The following SPATS2 variants were observed in gnomAD, a reference collection of about 807,000 sequenced individuals.
The protein encoded by SPATS2 is spermatogenesis-associated serine-rich protein 2.
SPATS2 carries 38 observed loss-of-function variants against 63.7 expected under a neutral mutation model. The observed-to-expected ratio is 0.60, with a 90% CI of 0.46 to 0.78. SPATS2 has a LOEUF of 0.78. SPATS2 is among the 30% of genes least tolerant of loss of function. The pLI, the probability that SPATS2 is intolerant of heterozygous loss-of-function variation, is 0.00. For missense variants in SPATS2, 588 were observed against 666.2 expected, an observed-to-expected ratio of 0.88 and a Z score of 1.29; for synonymous variants, 207 against 232.9, an observed-to-expected ratio of 0.89 and a Z score of 1.01.
chr12:49,372,292 G>C (rs531607213), intron 2 of SPATS2, among the ~76,000 whole-genome samples: 18 of 152,090 alleles, frequency 1.2e-4, no homozygotes, highest in Non-Finnish European at 2.5e-4. Context: ...TGATCCACCC[G>C]CCTCAGCCTC....
At chr12:49,372,342 G>T (rs754876926) in intron 2 of SPATS2, among the ~76,000 whole-genome samples, 13 of 152,314 alleles carry the variant, frequency 8.5e-5, no homozygotes, top group Non-Finnish European at 1.8e-4. Context: ...ACTGTGGCCT[G>T]CTGAGGCTTG....
intron 3 of SPATS2, among the ~76,000 whole-genome samples, chr12:49,477,221 C>T (rs1946133672): frequency 6.6e-6 from 1 of 152,180 alleles, no homozygotes; most frequent in South Asian, 2.1e-4. Context: ...TTGTCTACCT[C>T]CTTCCCGTAA....
At chr12:49,383,388 A>AT (rs796887297) in intron 2 of SPATS2, among the ~76,000 whole-genome samples, 6 of 151,570 alleles carry the variant, frequency 4.0e-5, no homozygotes, top group African/African-American at 1.2e-4. Flanking sequence ...TGTCTTGGAA[A>AT]TTTTTTTATG....
chr12:49,523,004 G>A (rs1946968440), intron 12 of SPATS2, 151 bp downstream of exon 12: 1 of 618,112 alleles, frequency 1.6e-6, no homozygotes, highest in Non-Finnish European at 2.8e-6. Flanking sequence ...AAGTCCATGG[G>A]TGCAGATACT....
intron 9 of SPATS2, among the ~76,000 whole-genome samples, chr12:49,509,515 C>T (rs766892762): frequency 1.6e-4 from 25 of 152,132 alleles, no homozygotes; most frequent in South Asian, 4.2e-4. Context: ...AGTGATCCTC[C>T]GGCCTCGGCC....
At chr12:49,406,183 G>C (rs1944693858) in intron 2 of SPATS2, among the ~76,000 whole-genome samples, 2 of 152,082 alleles carry the variant, frequency 1.3e-5, no homozygotes, top group Non-Finnish European at 2.9e-5. Context: ...AGGATAGCTT[G>C]AATTCGGGAG....
chr12:49,498,145 A>ATATATATATATATATATATATAT (rs1555191173), intron 8 of SPATS2, among the ~76,000 whole-genome samples: 2 of 98,978 alleles, frequency 2.0e-5, no homozygotes. Context: ...AAAAAAAAAA[A>ATATATATATATATATATATATAT]ATATATATAT....
intron 2 of SPATS2, among the ~76,000 whole-genome samples, chr12:49,408,378 G>A (rs149385071): frequency 2.0e-3 from 300 of 150,960 alleles, no homozygotes; most frequent in African/African-American, 6.7e-3. Context: ...TCAGTCTCCC[G>A]AGTAGCTGGG....
chr12:49,503,557 G>C (rs566999573), intron 9 of SPATS2, among the ~76,000 whole-genome samples: 1 of 151,172 alleles, frequency 6.6e-6, no homozygotes, highest in Non-Finnish European at 1.5e-5. Flanking sequence ...GCTGAGGCAG[G>C]AGAATGGCGT....
chr12:49,373,607 C>A (rs984260390), intron 2 of SPATS2, among the ~76,000 whole-genome samples: 3 of 151,658 alleles, frequency 2.0e-5, no homozygotes, highest in Non-Finnish European at 4.4e-5. Context: ...GCTTGGGCAA[C>A]AGCGAGACCC....
At chr12:49,369,706 T>A (rs1943965863) in intron 1 of SPATS2, among the ~76,000 whole-genome samples, 1 of 152,236 alleles carries the variant, frequency 6.6e-6, no homozygotes, top group Admixed American at 6.5e-5. Flanking sequence ...AGGTCTGGGA[T>A]CCTGATAAAT....
intron 2 of SPATS2, among the ~76,000 whole-genome samples, chr12:49,385,209 C>G (rs1455022185): frequency 1.3e-5 from 2 of 151,062 alleles, no homozygotes; most frequent in African/African-American, 4.9e-5. Context: ...AGCTTATATT[C>G]TAGTGGAGAG....
intron 3 of SPATS2, chr12:49,463,268 C>G (rs1945853344): frequency 1.3e-5 from 2 of 151,406 alleles, no homozygotes; most frequent in Non-Finnish European, 1.5e-5. Context: ...AAAAAATTAG[C>G]CGGGCGTGGT....
At chr12:49,476,667 G>A (rs1030700953) in intron 3 of SPATS2, among the ~76,000 whole-genome samples, 1 of 152,188 alleles carries the variant, frequency 6.6e-6, no homozygotes, top group African/African-American at 2.4e-5. Context: ...GAAGAAGCGA[G>A]CCACACCCCC....
intron 4 of SPATS2, among the ~76,000 whole-genome samples, chr12:49,488,143 C>A (rs1365076316): frequency 1.3e-5 from 2 of 152,030 alleles, no homozygotes; most frequent in African/African-American, 4.8e-5. Flanking sequence ...CTCCCGGGTT[C>A]AAGTGATTCT....
At chr12:49,451,091 C>CT (rs749888425) in intron 2 of SPATS2, among the ~76,000 whole-genome samples, 20 of 151,996 alleles carry the variant, frequency 1.3e-4, no homozygotes, top group Non-Finnish European at 2.4e-4. Context: ...AGGCTGGTCT[C>CT]TAACTCCTGA....
intron 3 of SPATS2, among the ~76,000 whole-genome samples, chr12:49,482,092 G>A (rs1250097093): frequency 6.6e-6 from 1 of 152,196 alleles, no homozygotes; most frequent in Non-Finnish European, 1.5e-5. Context: ...ATCTACTTGA[G>A]GTGTTGGTTT....
chr12:49,368,481 A>G (rs1167689718), intron 1 of SPATS2, among the ~76,000 whole-genome samples: 7 of 152,182 alleles, frequency 4.6e-5, no homozygotes, highest in Non-Finnish European at 1.0e-4. Flanking sequence ...GTTTGTTTTC[A>G]GTTTGACCAA....
chr12:49,432,589 A>G (rs1232342806), intron 2 of SPATS2, among the ~76,000 whole-genome samples: 1 of 152,210 alleles, frequency 6.6e-6, no homozygotes, highest in Non-Finnish European at 1.5e-5. Context: ...ATACCCATTA[A>G]ATAACAACCC....
Sources: gnomAD v4.1 joint callset for allele counts (sites outside exome capture counted in the v4.1 genomes callset) on GRCh38, gnomAD v4.1.1 for gene constraint, MANE v1.5 for transcripts, NCBI Gene and HGNC (gene_info 2026-07-23, HGNC 2026-07-21) for gene names.